The following STAG1 variants were observed in gnomAD, a reference collection of about 807,000 sequenced individuals.
STAG1 encodes cohesin subunit SA-1.
Under a neutral mutation model 170.9 loss-of-function variants are expected in STAG1, and 26 were observed. That is an observed-to-expected ratio of 0.15 (90% confidence interval 0.11 to 0.21). STAG1 has a LOEUF of 0.21. STAG1 is among the 10% of genes least tolerant of loss of function. The pLI is 1.00. For missense variants in STAG1, 964 were observed against 1,509.5 expected (o/e 0.64, Z 5.99); for synonymous variants, 514 against 497.7 (o/e 1.03, Z -0.44).
chr3:136,543,659 G>GTC lies in STAG1; in HGVS notation c.395-1466_395-1465dup, dbSNP rs1936012411. Among the ~76,000 whole-genome samples, 6 of 152,140 alleles carry GTC rather than the reference G, an allele frequency of 3.9e-5. No individual in the cohort carries two copies. The South Asian group carries it at 1.2e-3, about 32-fold the overall frequency. On this transcript the variant is annotated intron_variant, in intron 5 of 33. Transcript: ENST00000383202. Reference sequence around the variant, plus strand: ...TATGGGACACTAGAAAAGTCACTTAGTCTCTATGAAACTAGGATTTCTAAT... The same window carrying GTC: ...TATGGGACACTAGAAAAGTCACTTAGTCTCTCTATGAAACTAGGATTTCTAAT...
At chr3:136,544,623 G>A (rs1326084217) in intron 5 of STAG1, among the ~76,000 whole-genome samples, 1 of 151,856 alleles carries the variant, frequency 6.6e-6, no homozygotes, top group East Asian at 1.9e-4. Flanking sequence ...AAACAGCCGG[G>A]TGTGGGTGGC....
At chr3:136,488,363 T>C (rs112607337) in intron 9 of STAG1, among the ~76,000 whole-genome samples, 177 of 152,356 alleles carry the variant, frequency 1.2e-3, no homozygotes, top group African/African-American at 2.5e-3. Context: ...CCTCAGGTGA[T>C]GCACCCGCCT....
At chr3:136,738,880 C>T (rs953551740) in intron 1 of STAG1, among the ~76,000 whole-genome samples, 2 of 151,632 alleles carry the variant, frequency 1.3e-5, no homozygotes, top group African/African-American at 2.4e-5. Flanking sequence ...ACACATATAC[C>T]AAAGTTATTC....
chr3:136,473,078 G>A (rs893098553), intron 11 of STAG1, among the ~76,000 whole-genome samples: 6 of 152,060 alleles, frequency 3.9e-5, no homozygotes, highest in Non-Finnish European at 7.4e-5. Flanking sequence ...TTCTCAATAG[G>A]AACAACAGGA....
At chr3:136,376,005 T>TAATTAACAAAATAAAATAAAATA (rs1175764770) in intron 23 of STAG1, among the ~76,000 whole-genome samples, 1,202 of 63,372 alleles carry the variant, frequency 0.019, 15 homozygotes, top group East Asian at 0.048. Flanking sequence ...AATAAATAAA[T>TAATTAACAAAATAAAATAAAATA]AAATAATTAA....
chr3:136,385,124 T>C (rs1364971243), intron 22 of STAG1, among the ~76,000 whole-genome samples: 1 of 152,198 alleles, frequency 6.6e-6, no homozygotes, highest in Admixed American at 6.5e-5. Context: ...CAATATTTTA[T>C]CTTATTTTTA....
chr3:136,455,252 C>CT (rs2089074895), intron 13 of STAG1, among the ~76,000 whole-genome samples: 1 of 152,142 alleles, frequency 6.6e-6, no homozygotes, highest in Non-Finnish European at 1.5e-5. Context: ...ACTATTCAAA[C>CT]ACAAGGATAC....
intron 29 of STAG1, among the ~76,000 whole-genome samples, chr3:136,347,264 T>C (rs1403873547): frequency 6.7e-6 from 1 of 149,874 alleles, no homozygotes; most frequent in African/African-American, 2.5e-5. Flanking sequence ...GGCGTGGCGG[T>C]GGGCACCTGT....
At chr3:136,545,640 C>T (rs1351854326) in intron 5 of STAG1, among the ~76,000 whole-genome samples, 5 of 151,910 alleles carry the variant, frequency 3.3e-5, no homozygotes, top group Non-Finnish European at 7.4e-5. Flanking sequence ...GAAAGAGACA[C>T]TTTGATACCT....
intron 21 of STAG1, among the ~76,000 whole-genome samples, chr3:136,406,051 A>C (rs1339891023): frequency 2.0e-5 from 3 of 152,190 alleles, no homozygotes; most frequent in Admixed American, 2.0e-4. Context: ...TACTTAATAG[A>C]AATGAGTACT....
chr3:136,443,235 G>A, intron 15 of STAG1, 52 bp downstream of exon 15: 1 of 1,255,496 alleles, frequency 8.0e-7, no homozygotes, highest in Middle Eastern at 1.9e-4. Context: ...CAACTGTATT[G>A]CTATCAATGG....
chr3:136,395,698 T>C (rs1020403689), intron 22 of STAG1, among the ~76,000 whole-genome samples: 7 of 152,212 alleles, frequency 4.6e-5, no homozygotes, highest in Non-Finnish European at 8.8e-5. Context: ...TGCTGAATTT[T>C]TACGGAATAA....
chr3:136,355,093 C>G (rs542778859), intron 28 of STAG1, among the ~76,000 whole-genome samples: 75 of 152,040 alleles, frequency 4.9e-4, no homozygotes, highest in South Asian at 2.9e-3. Context: ...TGGCTCACAC[C>G]TGTAATCCCA....
At chr3:136,624,148 G>C (rs1939985255) in intron 2 of STAG1, among the ~76,000 whole-genome samples, 4 of 151,668 alleles carry the variant, frequency 2.6e-5, no homozygotes. Context: ...GCCCAGGCTG[G>C]AGTGCAGTGG....
At chr3:136,600,863 T>C (rs1029323262) in intron 4 of STAG1, among the ~76,000 whole-genome samples, 10 of 74,868 alleles carry the variant, frequency 1.3e-4, no homozygotes, top group African/African-American at 5.8e-4. Flanking sequence ...TTGTTGTTTG[T>C]TTGTTTGTTT....
chr3:136,751,648 G>A (rs929031847), intron 1 of STAG1, among the ~76,000 whole-genome samples: 4 of 152,036 alleles, frequency 2.6e-5, no homozygotes, highest in African/African-American at 9.7e-5. Flanking sequence ...GCCCCGCCGA[G>A]CGACCCCCCA....
chr3:136,538,014 A>C (rs1200468251), intron 6 of STAG1, among the ~76,000 whole-genome samples: 1 of 152,178 alleles, frequency 6.6e-6, no homozygotes, highest in East Asian at 1.9e-4. Flanking sequence ...TTAAATTATT[A>C]TTAAGACTAT....
At chr3:136,674,010 G>A (rs1044122632) in intron 1 of STAG1, among the ~76,000 whole-genome samples, 2 of 151,058 alleles carry the variant, frequency 1.3e-5, no homozygotes, top group South Asian at 2.1e-4. Flanking sequence ...GGCTGAGGTA[G>A]GAGAATCACT....
intron 1 of STAG1, among the ~76,000 whole-genome samples, chr3:136,691,260 C>T (rs1213226213): frequency 2.6e-5 from 4 of 151,882 alleles, no homozygotes; most frequent in Non-Finnish European, 5.9e-5. Flanking sequence ...ACGGTGAAAC[C>T]CCACCTCTAC....
Sources: allele counts gnomAD v4.1 joint callset (sites outside exome capture counted in the v4.1 genomes callset), GRCh38; gene constraint gnomAD v4.1.1; transcripts MANE v1.5; gene names NCBI Gene and HGNC (gene_info 2026-07-23, HGNC 2026-07-21).